The following PCYT2 variants were observed in gnomAD, a reference collection of about 807,000 sequenced individuals.
PCYT2 encodes ethanolamine-phosphate cytidylyltransferase.
A neutral mutation model predicts 50.0 loss-of-function variants in PCYT2; 33 were observed. That is an observed-to-expected ratio of 0.66 (90% CI 0.50 to 0.88). PCYT2 has a LOEUF of 0.88. Ranked by LOEUF, PCYT2 falls within the 40% of genes least tolerant of loss-of-function variation. The pLI is 0.00. For synonymous variants in PCYT2, 240 were observed against 203.7 expected (o/e 1.18, Z -1.52); for missense variants, 430 against 519.7 (o/e 0.83, Z 1.68).
In PCYT2 at chr17:81,903,555, C is replaced by G. The variant is rs1051024057; in HGVS notation, c.*1278G>C. ...GGCTGGTCCCTCTGCTCAGGGGACC[C>G]CGCAGTCCAGGGTTCTGAGTGGGAG... On this transcript the variant is annotated 3_prime_UTR_variant, in exon 13 of 13. Transcript: ENST00000538936. 1 of 152,480 alleles carries G rather than the reference C, an allele frequency of 6.6e-6. No homozygotes were observed. The highest frequency in any genetic ancestry group is 2.1e-4 in the South Asian group (1 of 4,830). 9.4% of individuals were successfully genotyped at this position (152,480 alleles called of 1,614,324 possible).
At chr17:81,908,828 G>A (rs2040422794) in intron 3 of PCYT2, 48 bp downstream of exon 3, 1 of 1,549,692 alleles carries the variant, frequency 6.5e-7, no homozygotes, top group Non-Finnish European at 8.9e-7. Flanking sequence ...ATCTGATCCT[G>A]AGCCACCTGA....
intron 9 of PCYT2, 47 bp from the exon 10 acceptor site, chr17:81,905,782 G>C: frequency 6.4e-7 from 1 of 1,567,060 alleles, no homozygotes; most frequent in South Asian, 1.1e-5. Context: ...CCCTGCTACT[G>C]GTAAGCCAGG....
At position 81,908,758 on chromosome 17, in the gene PCYT2, GGAAA is replaced by G. The variant is rs2040419350; in HGVS notation, c.340+114_340+117del. The G allele has an allele frequency of 5.2e-6, 7 of 1,333,462 alleles. No homozygotes were observed. In the Admixed American group the frequency reaches 7.6e-5, roughly 14 times the overall value. The allele number at this position is 1,333,462 out of a possible 1,614,324, so 82.6% of individuals were successfully genotyped here. Reference sequence around the variant, plus strand: ...CGTGCCCATTTCTAGGTGGGGGCCCGGAAATGTCTCAGATCCTCAAAGGGCGGAG... The same window carrying G: ...CGTGCCCATTTCTAGGTGGGGGCCCGTGTCTCAGATCCTCAAAGGGCGGAG... On this transcript the variant is annotated intron_variant, in intron 3 of 12. Transcript: ENST00000538936.
chr17:81,903,415 T>A lies in PCYT2; in HGVS notation c.*1418A>T, dbSNP rs1269885170. ...CTTGGGCTCTGGCCTCCAATGCTGCTACGGGGCCAGGCCCACCTCCGGGCC... is the reference window on the plus strand; with the variant it reads ...CTTGGGCTCTGGCCTCCAATGCTGCAACGGGGCCAGGCCCACCTCCGGGCC... On this transcript the variant is annotated 3_prime_UTR_variant, in exon 13 of 13. Coordinates refer to ENST00000538936, the MANE Select transcript of PCYT2 (RefSeq NM_002861.5). The A allele has an allele frequency of 6.6e-6, 1 of 152,306 alleles. No homozygotes were observed. The highest frequency in any genetic ancestry group is 2.4e-5 in the African/African-American group (1 of 41,466). The allele number at this position is 152,306 out of a possible 1,614,324, so 9.4% of individuals were successfully genotyped here.
At position 81,904,963 on chromosome 17, in the gene PCYT2, T is replaced by C. The variant is rs1239253487; in HGVS notation, c.1059-19A>G. ...CTCCAACCTGAGAGGGCAGGGTAAG[T>C]CTAGCAGAGAGCGCCCATGAGGCGG... On this transcript the variant is annotated intron_variant, in intron 12 of 12. Transcript: ENST00000538936. 1.9e-6 allele frequency: 3 copies of C among 1,606,452 alleles called. No homozygotes were observed. The highest frequency in any genetic ancestry group is 2.6e-6 in the Non-Finnish European group (3 of 1,175,076).
Position 81,903,520 on chromosome 17 carries a change from A to G in PCYT2, c.*1313T>C, listed in dbSNP as rs560324339. On this transcript the variant is annotated 3_prime_UTR_variant, in exon 13 of 13. Coordinates refer to ENST00000538936, the MANE Select transcript of PCYT2 (RefSeq NM_002861.5). ...GCCCCTGTCCAGCACCAATCTGTCT[A>G]TGGGGAACTGGCTGGTCCCTCTGCT... 1.3e-5 allele frequency: 2 copies of G among 152,452 alleles called. No individual in the cohort carries two copies. The highest frequency in any genetic ancestry group is 6.5e-5 in the Admixed American group (1 of 15,306). 9.4% of individuals were successfully genotyped at this position (152,452 alleles called of 1,614,324 possible).
At position 81,902,285 on chromosome 17, in the gene PCYT2, G is replaced by A. The variant is rs1354484896; in HGVS notation, c.*2548C>T. 1 of 1,310,780 alleles carries A rather than the reference G, an allele frequency of 7.6e-7. No homozygotes were observed. The highest frequency in any genetic ancestry group is 2.3e-5 in the South Asian group (1 of 43,746). The allele number at this position is 1,310,780 out of a possible 1,614,324, so 81.2% of individuals were successfully genotyped here. The stretch of plus-strand genomic sequence containing the variant: ...CAGTCAGCCGGCGTCCCCATGGCCC[G>A]GTCCGCGACACTGGCGGCCGCCGCC... On this transcript the variant is annotated 3_prime_UTR_variant, in exon 13 of 13. Transcript: ENST00000538936.
chr17:81,902,777 GC>G lies in PCYT2; in HGVS notation c.*2055del. 5.7e-6 allele frequency: 9 copies of G among 1,575,204 alleles called. No individual in the cohort carries two copies. The highest frequency in any genetic ancestry group is 2.3e-5 in the East Asian group (1 of 43,260). ...CGGACCTCTCCTGGCACCGCTGGGG[GC>G]CCCCCGCCCCCACCGTCCCACTCGG... is the stretch of plus-strand genomic sequence containing the variant. On this transcript the variant is annotated 3_prime_UTR_variant, in exon 13 of 13. Coordinates refer to ENST00000538936, the MANE Select transcript of PCYT2 (RefSeq NM_002861.5).
At chr17:81,907,657 A>G (rs1218865434) in intron 5 of PCYT2, 59 bp from the exon 6 acceptor site, 2 of 1,598,968 alleles carry the variant, frequency 1.3e-6, no homozygotes, top group African/African-American at 2.7e-5. Context: ...GCCACCCCAG[A>G]ACCGGCTGGG....
intron 4 of PCYT2, 31 bp downstream of exon 4, chr17:81,908,537 C>T: frequency 1.3e-6 from 2 of 1,582,504 alleles, no homozygotes; most frequent in East Asian, 2.2e-5. Flanking sequence ...GTCCAGCTCC[C>T]TGGATGGCCA....
rs2040049265 is a variant in PCYT2 at position 81,903,314 on chromosome 17, G to C, written c.*1519C>G. 1 of 153,292 alleles carries C rather than the reference G, an allele frequency of 6.5e-6. No homozygotes were observed. The highest frequency in any genetic ancestry group is 6.5e-5 in the Admixed American group (1 of 15,314). The allele number at this position is 153,292 out of a possible 1,614,324, so 9.5% of individuals were successfully genotyped here. A position where few individuals can be genotyped will look rare whatever the true frequency, so the allele number is the denominator to read the frequency against. On this transcript the variant is annotated 3_prime_UTR_variant, in exon 13 of 13. Transcript: ENST00000538936. ...CCTGAGCCCTGGCTCCAGAGGCCCAGAGCATGCCTCCCCAGAGCTGAAGGT... is the reference window on the plus strand; with the variant it reads ...CCTGAGCCCTGGCTCCAGAGGCCCACAGCATGCCTCCCCAGAGCTGAAGGT...
rs148740790 is a variant in PCYT2 at position 81,906,482 on chromosome 17, C to T, written c.741G>A (p.Ala247=). The change falls in exon 8 of 13, where the codon GCG becomes GCA. Residue 247 remains alanine (A), a synonymous_variant. Transcript: ENST00000538936. The part of the protein sequence containing the change: ...HRLAERPYII[A]GLHFDQEVNH... ...CAGTGACCTGGTCAAAGTGTAAGCC[C>T]GCGATGATGTAGGGCCTCTCTGCCA... 6.1e-5 allele frequency: 98 copies of T among 1,613,292 alleles called. No homozygotes were observed. The East Asian group carries it at 1.2e-3, about 20-fold the overall frequency.
intron 1 of PCYT2, among the ~76,000 whole-genome samples, chr17:81,910,671 G>A (rs1227680917): frequency 1.3e-5 from 2 of 152,242 alleles, no homozygotes; most frequent in Admixed American, 1.3e-4. Context: ...TCAGATAGAG[G>A]CGCTTGCTTC....
rs1488120873 is a variant in PCYT2 at position 81,904,437 on chromosome 17, G to C, written c.*396C>G. On this transcript the variant is annotated 3_prime_UTR_variant, in exon 13 of 13. Transcript: ENST00000538936. ...GTGGTCTACACCCAGAGAACTAAAG[G>C]GGTGACCGCAGTCACTGCTCCCTAA... 5.2e-6 allele frequency: 1 copy of C among 192,594 alleles called. No homozygotes were observed. The highest frequency in any genetic ancestry group is 1.1e-5 in the Non-Finnish European group (1 of 93,298). 11.9% of individuals were successfully genotyped at this position (192,594 alleles called of 1,614,324 possible). A position where few individuals can be genotyped will look rare whatever the true frequency, so the allele number is the denominator to read the frequency against.
At chr17:81,910,074 C>T (rs561516405) in intron 1 of PCYT2, among the ~76,000 whole-genome samples, 85 of 152,336 alleles carry the variant, frequency 5.6e-4, no homozygotes, top group African/African-American at 2.0e-3. Flanking sequence ...CAAAATAAAA[C>T]CCTGGGAATC....
chr17:81,908,736 G>C, intron 3 of PCYT2, 102 bp from the exon 4 acceptor site: 1 of 1,312,130 alleles, frequency 7.6e-7, no homozygotes, highest in East Asian at 2.3e-5. Flanking sequence ...GTGTCCGCGT[G>C]CCCATTTCTA....
chr17:81,908,441 G>C, intron 4 of PCYT2, 127 bp downstream of exon 4: 2 of 693,286 alleles, frequency 2.9e-6, no homozygotes, highest in South Asian at 3.5e-5. Context: ...CCCAGTCCTG[G>C]GCGTGAGGAA....
In PCYT2 at chr17:81,902,485, G is replaced by C. The variant is rs1314271712; in HGVS notation, c.*2348C>G. 5 of 1,397,460 alleles carry C rather than the reference G, an allele frequency of 3.6e-6. No homozygotes were observed. The highest frequency in any genetic ancestry group is 6.0e-5 in the East Asian group (2 of 33,508). 86.6% of individuals were successfully genotyped at this position (1,397,460 alleles called of 1,614,324 possible). ...GGCGGAACCCCCGGGCGGGGCCGGCGCCTCCCCGGAGCTGCAACTGCACCC... is the reference window on the plus strand; with the variant it reads ...GGCGGAACCCCCGGGCGGGGCCGGCCCCTCCCCGGAGCTGCAACTGCACCC... On this transcript the variant is annotated 3_prime_UTR_variant, in exon 13 of 13. Transcript: ENST00000538936.
In PCYT2 at chr17:81,911,375, G is replaced by A; in HGVS notation, c.-20C>T. On this transcript the variant is annotated 5_prime_UTR_variant, in exon 1 of 13. Coordinates refer to ENST00000538936, the MANE Select transcript of PCYT2 (RefSeq NM_002861.5). ...GATCATGGCCCCGCAGCGGCGGCGCGGACAGCCTGGCAGCTCCCGGCGACT... is the reference window on the plus strand; with the variant it reads ...GATCATGGCCCCGCAGCGGCGGCGCAGACAGCCTGGCAGCTCCCGGCGACT... 1.9e-6 allele frequency: 2 copies of A among 1,038,084 alleles called. No homozygotes were observed. Among genetic ancestry groups the A allele is most frequent in the Non-Finnish European group, 2.3e-6 (2 of 865,046 alleles). The allele number at this position is 1,038,084 out of a possible 1,614,324, so 64.3% of individuals were successfully genotyped here.
Sources: gnomAD v4.1 joint callset for allele counts (sites outside exome capture counted in the v4.1 genomes callset) on GRCh38, gnomAD v4.1.1 for gene constraint, MANE v1.5 for transcripts, NCBI Gene and HGNC (gene_info 2026-07-23, HGNC 2026-07-21) for gene names.